GRIA2: variants seen among roughly 807,000 people sequenced by gnomAD.
The protein encoded by GRIA2 is glutamate receptor 2.
In GRIA2, 14 loss-of-function variants were observed where a neutral mutation model predicts 97.3. That is an observed-to-expected ratio of 0.14 (90% CI 0.10 to 0.23). The LOEUF (loss-of-function observed/expected upper bound fraction) is 0.23, where lower values mean the gene tolerates loss of function less well. Ranked by LOEUF, GRIA2 falls within the 10% of genes least tolerant of loss-of-function variation. GRIA2 has a pLI of 1.00. For missense variants in GRIA2, 558 were observed against 1,069.8 expected, an observed-to-expected ratio of 0.52 and a Z score of 6.67; for synonymous variants, 412 against 387.8, an observed-to-expected ratio of 1.06 and a Z score of -0.73.
intron 6 of GRIA2, among the ~76,000 whole-genome samples, chr4:157,323,818 G>T (rs1315707888): frequency 2.6e-5 from 4 of 152,174 alleles, no homozygotes; most frequent in Admixed American, 1.3e-4. Context: ...ACTGAGTTGA[G>T]AACCTGCATT....
intron 2 of GRIA2, among the ~76,000 whole-genome samples, chr4:157,293,946 G>A (rs1733222353): frequency 6.6e-6 from 1 of 152,028 alleles, no homozygotes; most frequent in Non-Finnish European, 1.5e-5. Context: ...ATGGCCCAGA[G>A]CATTTAGCAT....
intron 2 of GRIA2, among the ~76,000 whole-genome samples, chr4:157,259,529 T>C (rs183270941): frequency 6.6e-6 from 1 of 152,122 alleles, no homozygotes; most frequent in Non-Finnish European, 1.5e-5. Context: ...TGTTCACAGA[T>C]GATATGAACT....
intron 4 of GRIA2, among the ~76,000 whole-genome samples, chr4:157,316,387 A>T (rs1579357655): frequency 6.6e-6 from 1 of 152,160 alleles, no homozygotes; most frequent in South Asian, 2.1e-4. Flanking sequence ...GCTTAATATC[A>T]AAGTGGCATA....
intron 2 of GRIA2, among the ~76,000 whole-genome samples, chr4:157,287,013 C>A (rs995064448): frequency 4.0e-5 from 6 of 151,512 alleles, no homozygotes; most frequent in African/African-American, 1.5e-4. Flanking sequence ...TTTCAGCCTT[C>A]TCTTTAAATT....
intron 2 of GRIA2, among the ~76,000 whole-genome samples, chr4:157,275,430 T>C (rs1048637436): frequency 7.9e-5 from 12 of 152,212 alleles, no homozygotes; most frequent in African/African-American, 2.9e-4. Context: ...GTTTTAGTCA[T>C]GAAGTCCTTG....
chr4:157,266,301 A>C (rs1348743640), intron 2 of GRIA2, among the ~76,000 whole-genome samples: 1 of 152,136 alleles, frequency 6.6e-6, no homozygotes, highest in Non-Finnish European at 1.5e-5. Context: ...GGATGAGAGT[A>C]CCTAAAGTGA....
chr4:157,230,555 C>T (rs1003625665), intron 2 of GRIA2, among the ~76,000 whole-genome samples: 8 of 110,076 alleles, frequency 7.3e-5, no homozygotes, highest in African/African-American at 3.0e-4. Flanking sequence ...TCCTTCCTTC[C>T]TTCTTTCCTT....
chr4:157,362,855 C>T lies in GRIA2; in HGVS notation c.2463C>T (p.Val821=), dbSNP rs1736694893. ...TTGCTGGAGTATTCTACATCCTTGTCGGGGGCCTTGGTTTGGCAATGCTGG... is the reference window on the plus strand; with the variant it reads ...TTGCTGGAGTATTCTACATCCTTGTTGGGGGCCTTGGTTTGGCAATGCTGG... ...SNVAGVFYIL[V]GGLGLAMLVA... Residue 821 remains valine, a synonymous_variant, in exon 15 of 16, where the codon GTC becomes GTT. Coordinates refer to ENST00000264426, the MANE Select transcript of GRIA2 (RefSeq NM_001083619.3). The T allele has an allele frequency of 6.2e-6, 10 of 1,613,174 alleles. No homozygotes were observed. The highest frequency in any genetic ancestry group is 1.1e-5 in the South Asian group (1 of 91,058).
chr4:157,240,708 T>C lies in GRIA2; in HGVS notation c.229+18901T>C, dbSNP rs180842434. ...CACCTCCTTAAGTTACTTTCTTTTT[T>C]TTTTTCTTTTATTTTTATACTTTAC... On this transcript the variant is annotated intron_variant, in intron 2 of 15. Transcript: ENST00000264426. Among the ~76,000 whole-genome samples the C allele has an allele frequency of 3.6e-3, 551 of 152,246 alleles. 1 individual carries two copies. The highest frequency in any genetic ancestry group is 4.9e-3 in the African/African-American group (204 of 41,572).
intron 2 of GRIA2, among the ~76,000 whole-genome samples, chr4:157,256,671 A>G (rs2126757270): frequency 6.6e-6 from 1 of 152,088 alleles, no homozygotes; most frequent in Admixed American, 6.6e-5. Context: ...TGGCCACTGC[A>G]TCTAGTCCAC....
At chr4:157,309,309 A>C (rs186594181) in intron 3 of GRIA2, among the ~76,000 whole-genome samples, 3 of 151,450 alleles carry the variant, frequency 2.0e-5, no homozygotes, top group African/African-American at 7.3e-5. Flanking sequence ...TACTTTTGAC[A>C]CGTAGAACAA....
At chr4:157,357,274 C>T (rs893023229) in intron 12 of GRIA2, among the ~76,000 whole-genome samples, 6 of 152,196 alleles carry the variant, frequency 3.9e-5, no homozygotes, top group Non-Finnish European at 5.9e-5. Flanking sequence ...CCTAATGAAT[C>T]GCAGTTTTCA....
chr4:157,232,122 A>C (rs1730047424), intron 2 of GRIA2, among the ~76,000 whole-genome samples: 1 of 152,240 alleles, frequency 6.6e-6, no homozygotes, highest in Non-Finnish European at 1.5e-5. Context: ...ATTGTCATAC[A>C]CACTTTAGTG....
At chr4:157,248,374 A>G (rs1275048186) in intron 2 of GRIA2, among the ~76,000 whole-genome samples, 2 of 150,284 alleles carry the variant, frequency 1.3e-5, no homozygotes, top group South Asian at 4.2e-4. Context: ...AATATTAAAT[A>G]CAAAGCTTGT....
chr4:157,297,343 T>G (rs545886380), intron 2 of GRIA2, among the ~76,000 whole-genome samples: 1 of 152,224 alleles, frequency 6.6e-6, no homozygotes, highest in African/African-American at 2.4e-5. Context: ...TTGATGAATT[T>G]TAGACTAAAG....
At chr4:157,318,830 G>A (rs957517349) in intron 5 of GRIA2, among the ~76,000 whole-genome samples, 1 of 152,090 alleles carries the variant, frequency 6.6e-6, no homozygotes, top group African/African-American at 2.4e-5. Flanking sequence ...AGCATAATAG[G>A]ACTTTGAAAA....
At chr4:157,256,219 A>T (rs60582943) in intron 2 of GRIA2, among the ~76,000 whole-genome samples, 18,614 of 101,966 alleles carry the variant, frequency 0.18, 2,733 homozygotes, top group African/African-American at 0.31. Flanking sequence ...TGTTATATAT[A>T]ATATATAATA....
Position 157,361,413 on chromosome 4 carries a change from C to A in GRIA2, c.2406+289C>A. 1.3e-6 allele frequency: 1 copy of A among 761,460 alleles called. No individual in the cohort carries two copies. The highest frequency in any genetic ancestry group is 2.2e-6 in the Non-Finnish European group (1 of 460,164). 47.2% of individuals were successfully genotyped at this position (761,460 alleles called of 1,614,324 possible). A position where few individuals can be genotyped will look rare whatever the true frequency, so the allele number is the denominator to read the frequency against. On this transcript the variant is annotated intron_variant, in intron 14 of 15. Coordinates refer to ENST00000264426, the MANE Select transcript of GRIA2 (RefSeq NM_001083619.3). This position sits in a 1 kb window ranked among gnomAD's most constrained non-coding sequence, Gnocchi z 5.2. Reference sequence around the variant, plus strand: ...TGCTCATTTGGCTCTGCAAATCTTACCGTTTGCTTAGGCCAAATGGCGCAT... The same window carrying A: ...TGCTCATTTGGCTCTGCAAATCTTAACGTTTGCTTAGGCCAAATGGCGCAT...
At chr4:157,269,543 T>C (rs77519135) in intron 2 of GRIA2, among the ~76,000 whole-genome samples, 252 of 152,132 alleles carry the variant, frequency 1.7e-3, no homozygotes, top group African/African-American at 6.0e-3. Context: ...ATAGCAGAGT[T>C]CTAGACTCTT....
Sources: gnomAD v4.1 joint callset for allele counts (sites outside exome capture counted in the v4.1 genomes callset) on GRCh38, gnomAD v4.1.1 for gene constraint, Gnocchi (gnomAD v3.1) non-coding constraint, MANE v1.5 for transcripts, NCBI Gene and HGNC (gene_info 2026-07-23, HGNC 2026-07-21) for gene names.